Variants in LHX8 observed in about 807,000 individuals in gnomAD.
The protein encoded by LHX8 is LIM homeobox 8.
Under a neutral mutation model 40.3 loss-of-function variants are expected in LHX8, and 12 were observed. The observed-to-expected ratio is 0.30, with a 90% CI of 0.19 to 0.48. LHX8 has a LOEUF of 0.48. Among genes scored for constraint, LHX8 ranks in the 20% least tolerant of loss-of-function variants. The probability of loss-of-function intolerance (pLI) is 0.99; values close to 1 mark genes in which losing one functional copy is unlikely to be tolerated. For synonymous variants in LHX8, 179 were observed against 162.0 expected (o/e 1.10, Z -0.80); for missense variants, 344 against 433.7 (o/e 0.79, Z 1.84).
chr1:75,171,087 C>A, the LHX8 span, among the ~76,000 whole-genome samples: 2 of 152,076 alleles, frequency 1.3e-5, no homozygotes, highest in Non-Finnish European at 2.9e-5. Context: ...AGGCAGGTGG[C>A]CTGGGAACAA....
At chr1:75,188,106 A>C in the LHX8 span, among the ~76,000 whole-genome samples, 4 of 152,156 alleles carry the variant, frequency 2.6e-5, no homozygotes, top group Non-Finnish European at 5.9e-5. Context: ...CATGAGGCAA[A>C]GAAATAGAGA....
intron 7 of LHX8, among the ~76,000 whole-genome samples, chr1:75,156,276 A>G (rs980954453): frequency 3.3e-5 from 5 of 151,424 alleles, no homozygotes; most frequent in African/African-American, 1.2e-4. Flanking sequence ...GAGTCTTGCT[A>G]TGTCGCCCAG....
chr1:75,148,756 T>C (rs1370912556), intron 7 of LHX8, 74 bp downstream of exon 7: 12 of 1,036,180 alleles, frequency 1.2e-5, no homozygotes, highest in Non-Finnish European at 1.8e-5. Flanking sequence ...TTGCCCAGAC[T>C]GATCTTGAAC....
At chr1:75,133,513 T>C (rs750028260), upstream of LHX8, among the ~76,000 whole-genome samples, 3 of 152,196 alleles carry the variant, frequency 2.0e-5, no homozygotes, top group Non-Finnish European at 2.9e-5. Context: ...CTTTAAGAAA[T>C]AGACTCCTAG....
At chr1:75,169,089 A>T in the LHX8 span, among the ~76,000 whole-genome samples, 4 of 152,186 alleles carry the variant, frequency 2.6e-5, no homozygotes, top group Admixed American at 6.5e-5. Flanking sequence ...TGTGGCCTTG[A>T]AGGGCACTTT....
chr1:75,135,547 G>A (rs729832), intron 1 of LHX8, among the ~76,000 whole-genome samples: 10 of 152,254 alleles, frequency 6.6e-5, no homozygotes, highest in Non-Finnish European at 1.5e-4. Flanking sequence ...GGTGCTTCCA[G>A]AGGGAGGGAG....
In LHX8 at chr1:75,143,249, G is replaced by T; in HGVS notation, c.491G>T (p.Gly164Val). The T allele has an allele frequency of 6.2e-7, 1 of 1,613,866 alleles. No homozygotes were observed. Among genetic ancestry groups the T allele is most frequent in the Non-Finnish European group, 8.5e-7 (1 of 1,179,800 alleles). Residue 164 changes from glycine to valine, a missense_variant, in exon 5 of 9, where the codon GGA becomes GTA. Around this residue, in one of 3 missense-constraint regions of LHX8, gnomAD observed 147 missense variants for 250.8 expected, o/e 0.59. Coordinates refer to ENST00000356261, the MANE Select transcript of LHX8 (RefSeq NM_001256114.2). ...CFSCKRQLST[G>V]EEFALVEEKV... ...TCCTGCAAAAGGCAACTTTCCACAG[G>T]AGAGGAGTTTGCTTTGGTGGAAGAG...
At chr1:75,158,529 T>C (rs529063065) in intron 8 of LHX8, among the ~76,000 whole-genome samples, 7 of 152,302 alleles carry the variant, frequency 4.6e-5, no homozygotes, top group African/African-American at 1.4e-4. Context: ...ACCTTTGCTG[T>C]GTAGATTTAC....
rs397980535 is a variant in LHX8, at chr1:75,134,833, T to TTA, written c.-134_-133insTA. 1.2e-6 allele frequency: 1 copy of TTA among 819,466 alleles called. No individual in the cohort carries two copies. The highest frequency in any genetic ancestry group is 1.5e-6 in the Non-Finnish European group (1 of 679,394). 50.8% of individuals were successfully genotyped at this position (819,466 alleles called of 1,614,324 possible). ...TTCAGACCTGGCAATTTTTTTTTTT[T>TTA]ATTACGTAGTAGCGTTAGTCAGTAA... On this transcript the variant is annotated 5_prime_UTR_variant, in exon 1 of 9. Transcript: ENST00000356261.
chr1:75,188,895 C>G, the LHX8 span, among the ~76,000 whole-genome samples: 1 of 152,302 alleles, frequency 6.6e-6, no homozygotes, highest in East Asian at 1.9e-4. Context: ...TCCATCTTAA[C>G]ACCCTCTATG....
At chr1:75,190,993 T>C in the LHX8 span, among the ~76,000 whole-genome samples, 1 of 152,168 alleles carries the variant, frequency 6.6e-6, no homozygotes. Flanking sequence ...AAAAGCTTGA[T>C]TTTATTGTAT....
chr1:75,169,733 C>T, the LHX8 span, among the ~76,000 whole-genome samples: 5 of 152,164 alleles, frequency 3.3e-5, no homozygotes, highest in Admixed American at 6.5e-5. Flanking sequence ...AGCTCCATTG[C>T]TCTGGTCTGG....
intron 7 of LHX8, among the ~76,000 whole-genome samples, chr1:75,154,736 A>C (rs1648709926): frequency 6.6e-6 from 1 of 152,096 alleles, no homozygotes; most frequent in Admixed American, 6.5e-5. Flanking sequence ...GAGTCTCACT[A>C]ACACTCCAGA....
chr1:75,156,690 A>G (rs1648777088), intron 7 of LHX8, among the ~76,000 whole-genome samples: 1 of 152,234 alleles, frequency 6.6e-6, no homozygotes. Context: ...AGAGCTATCA[A>G]CTGAGCAAGA....
At chr1:75,187,047 G>T in the LHX8 span, among the ~76,000 whole-genome samples, 1 of 152,244 alleles carries the variant, frequency 6.6e-6, no homozygotes, top group African/African-American at 2.4e-5. Flanking sequence ...GTTAAGATGA[G>T]TCTACCCGGT....
At chr1:75,153,379 C>T (rs996160945) in intron 7 of LHX8, among the ~76,000 whole-genome samples, 1 of 151,778 alleles carries the variant, frequency 6.6e-6, no homozygotes, top group Non-Finnish European at 1.5e-5. Flanking sequence ...GCTGGGATTA[C>T]AGGAGTGAGC....
the LHX8 span, among the ~76,000 whole-genome samples, chr1:75,197,317 C>G: frequency 6.6e-6 from 1 of 152,104 alleles, no homozygotes; most frequent in Non-Finnish European, 1.5e-5. Flanking sequence ...CTAAAATTAG[C>G]ATTCTAAATA....
chr1:75,180,255 A>G, the LHX8 span, among the ~76,000 whole-genome samples: 1 of 152,198 alleles, frequency 6.6e-6, no homozygotes, highest in Non-Finnish European at 1.5e-5. Flanking sequence ...AGACTGGGGA[A>G]GTTCTCCTGG....
chr1:75,155,753 G>T (rs1270658866), intron 7 of LHX8, among the ~76,000 whole-genome samples: 1 of 152,116 alleles, frequency 6.6e-6, no homozygotes, highest in Non-Finnish European at 1.5e-5. Flanking sequence ...CAGTGGATGT[G>T]TTTGTATTTA....
Sources: gnomAD v4.1 joint callset for allele counts (sites outside exome capture counted in the v4.1 genomes callset) on GRCh38, gnomAD v4.1.1 for gene constraint, gnomAD v4.1.1 regional missense constraint, MANE v1.5 for transcripts, NCBI Gene and HGNC (gene_info 2026-07-23, HGNC 2026-07-21) for gene names.